FUZ: variants seen among roughly 807,000 people sequenced by gnomAD.
FUZ encodes protein fuzzy homolog.
FUZ carries 31 observed loss-of-function variants against 43.1 expected under a neutral mutation model. The observed-to-expected ratio is 0.72, with a 90% confidence interval of 0.54 to 0.97. FUZ has a LOEUF of 0.97. Ranked by LOEUF, FUZ falls within the 50% of genes least tolerant of loss-of-function variation. FUZ has a pLI of 0.00. For missense variants in FUZ, 539 were observed against 543.8 expected (o/e 0.99, Z 0.09); for synonymous variants, 274 against 250.0 (o/e 1.10, Z -0.91).
upstream of FUZ, chr19:49,813,301 C>T (rs1221705034): frequency 2.9e-6 from 2 of 686,754 alleles, no homozygotes; most frequent in Non-Finnish European, 2.7e-6. Flanking sequence ...GCACCTCCCC[C>T]AAACCCATTA....
chr19:49,811,068 T>C, intron 5 of FUZ: 1 of 445,274 alleles, frequency 2.2e-6, no homozygotes, highest in Non-Finnish European at 4.1e-6. Flanking sequence ...GGAGAATTAC[T>C]TGAACCCGGG....
rs757918578 is a variant in FUZ, at chr19:49,808,644, G to C, written c.894-6C>G. On this transcript the variant is annotated splice_region_variant and splice_polypyrimidine_tract_variant and intron_variant, in intron 8 of 10. Transcript: ENST00000313777. ...CCAGGTGGAGGAGCAGCAGCCTGTG[G>C]GAAAGGGAAGGGAATGTCATGGCTG... The C allele has an allele frequency of 6.2e-7, 1 of 1,613,140 alleles. No homozygotes were observed. Among genetic ancestry groups the C allele is most frequent in the South Asian group, 1.1e-5 (1 of 90,756 alleles).
In FUZ at chr19:49,809,084, G is replaced by A; in HGVS notation, c.786+79C>T. 7.5e-7 allele frequency: 1 copy of A among 1,336,530 alleles called. No homozygotes were observed. Among genetic ancestry groups the A allele is most frequent in the South Asian group, 1.3e-5 (1 of 79,760 alleles). 82.8% of individuals were successfully genotyped at this position (1,336,530 alleles called of 1,614,324 possible). A position where few individuals can be genotyped will look rare whatever the true frequency, so the allele number is the denominator to read the frequency against. ...GGCGGGGCTGGGGAAAGATGCCGCT[G>A]GCAGGGCAGGGTGGTGGGGAAGGGC... is the stretch of plus-strand genomic sequence containing the variant. On this transcript the variant is annotated intron_variant, in intron 7 of 10. Transcript: ENST00000313777. The surrounding 1 kb of genome is among the most constrained non-coding windows in gnomAD (Gnocchi z 5.1).
Position 49,807,151 on chromosome 19 carries a change from T to C in FUZ, c.1257A>G (p.Ter419TrpextTer6). 6.2e-7 allele frequency: 1 copy of C among 1,612,592 alleles called. No homozygotes were observed. The highest frequency in any genetic ancestry group is 8.5e-7 in the Non-Finnish European group (1 of 1,179,680). ...HTLHALTPLL[*>W] ...GTGTCCATCACCCACTGCTAGGTAG[T>C]CAAAGAAGTGGGGTGAGGGCATGCA... The change falls in exon 11 of 11, where the codon TGA becomes TGG. Residue 419 changes from the stop codon to tryptophan, a stop_lost. Coordinates refer to ENST00000313777, the MANE Select transcript of FUZ (RefSeq NM_025129.5).
At chr19:49,810,841 C>T (rs1316550291) in intron 5 of FUZ, among the ~76,000 whole-genome samples, 1 of 151,220 alleles carries the variant, frequency 6.6e-6, no homozygotes, top group Non-Finnish European at 1.5e-5. Context: ...CAGAGCAAGA[C>T]CCTGTCTCAG....
intron 10 of FUZ, among the ~76,000 whole-genome samples, chr19:49,807,900 A>AT (rs906859976): frequency 6.6e-6 from 1 of 151,976 alleles, no homozygotes; most frequent in African/African-American, 2.4e-5. Flanking sequence ...TTCTACGACA[A>AT]TTTTTCCGTT....
At position 49,806,904 on chromosome 19, in the gene FUZ, T is replaced by C. The variant is rs182017696; in HGVS notation, c.*247A>G. 11 of 1,538,526 alleles carry C rather than the reference T, an allele frequency of 7.1e-6. No individual in the cohort carries two copies. In the Admixed American group the frequency reaches 1.6e-4, roughly 22 times the overall value. ...TGGGACTTTCCTCCGGCCTTTTGTA[T>C]TTTTATTTTTGTTCATCTGCTGCTG... On this transcript the variant is annotated 3_prime_UTR_variant, in exon 11 of 11. Coordinates refer to ENST00000313777, the MANE Select transcript of FUZ (RefSeq NM_025129.5).
rs750792545 is a variant in FUZ, at chr19:49,808,873, C to T, written c.787-50G>A. ...GGTCGTCATGGGAAGGCGGGGCCGG[C>T]GGGGGAGGTCGGGGGGTGTACAAGG... is the stretch of plus-strand genomic sequence containing the variant. On this transcript the variant is annotated intron_variant, in intron 7 of 10. Transcript: ENST00000313777. The T allele has an allele frequency of 6.2e-5, 39 of 631,380 alleles. No homozygotes were observed. The Middle Eastern group carries it at 1.7e-3, about 27-fold the overall frequency. 39.1% of individuals were successfully genotyped at this position (631,380 alleles called of 1,614,324 possible). A position where few individuals can be genotyped will look rare whatever the true frequency, so the allele number is the denominator to read the frequency against.
intron 10 of FUZ, 103 bp downstream of exon 10, chr19:49,808,311 G>T: frequency 8.4e-7 from 1 of 1,184,748 alleles, no homozygotes; most frequent in Non-Finnish European, 1.2e-6. Context: ...AGTGCATACT[G>T]GGTTCCTCCG....
In FUZ at chr19:49,811,684, G is replaced by C; in HGVS notation, c.334C>G (p.Leu112Val). ...VFGAMVLLVG[L>V]EELTNIRNVE... Reference sequence around the variant, plus strand: ...TTGCGGATATTGGTCAGTTCTTCAAGTCCCACAAGAAGGACCTAGAAGAAT... The same window carrying C: ...TTGCGGATATTGGTCAGTTCTTCAACTCCCACAAGAAGGACCTAGAAGAAT... Residue 112 changes from leucine (L) to valine (V), a missense_variant, in exon 4 of 11, where the codon CTT becomes GTT. By Grantham distance (32) the Leu-to-Val change is conservative. Transcript: ENST00000313777. The C allele has an allele frequency of 6.2e-7, 1 of 1,613,988 alleles. No homozygotes were observed. The highest frequency in any genetic ancestry group is 2.2e-5 in the East Asian group (1 of 44,880).
chr19:49,811,587 G>A, intron 4 of FUZ, 44 bp downstream of exon 4: 1 of 1,596,242 alleles, frequency 6.3e-7, no homozygotes, highest in Non-Finnish European at 8.6e-7. Flanking sequence ...AAATGGCAGT[G>A]CCCAGGTATC....
At position 49,812,245 on chromosome 19, in the gene FUZ, T is replaced by A; in HGVS notation, c.318+6A>T. On this transcript the variant is annotated splice_donor_region_variant and intron_variant, in intron 3 of 10. Transcript: ENST00000313777. ...CTGGGGAGAAAAGAGGACTGGTGAG[T>A]CTCACCATGGCTCCAAACACCATTT... 1 of 1,602,398 alleles carries A rather than the reference T, an allele frequency of 6.2e-7. No individual in the cohort carries two copies. Among genetic ancestry groups the A allele is most frequent in the South Asian group, 1.1e-5 (1 of 90,592 alleles).
At position 49,809,511 on chromosome 19, in the gene FUZ, C is replaced by A; in HGVS notation, c.557G>T (p.Arg186Leu). Reference protein sequence around the residue: ...TTFVSLVVSGRVVAATEGWWR... With the variant: ...TTFVSLVVSGLVVAATEGWWR... ...CCAACCCTCTGTTGCTGCCACCACC[C>A]GGCCGGACACCACCAGACTGACGAA... Residue 186 changes from arginine (R) to leucine (L), a missense_variant, in exon 6 of 11, where the codon CGG becomes CTG. Transcript: ENST00000313777. This position sits in a 1 kb window ranked among gnomAD's most constrained non-coding sequence, Gnocchi z 5.1. 1 of 1,597,406 alleles carries A rather than the reference C, an allele frequency of 6.3e-7. No homozygotes were observed. The highest frequency in any genetic ancestry group is 2.3e-5 in the East Asian group (1 of 44,424).
Position 49,807,220 on chromosome 19 carries a change from G to C in FUZ, c.1188C>G (p.Pro396=). Reference sequence around the variant, plus strand: ...TTCGCAGCCCATGGGTGGGACTCTGGGGAGACAGCAGCAGCAGCAGCCGCC... The same window carrying C: ...TTCGCAGCCCATGGGTGGGACTCTGCGGAGACAGCAGCAGCAGCAGCCGCC... The part of the protein sequence containing the change: ...GLRRLLLLLS[P]QSPTHGLRSL... Residue 396 remains proline, a synonymous_variant, in exon 11 of 11, where the codon CCC becomes CCG. Transcript: ENST00000313777. 2 of 1,613,272 alleles carry C rather than the reference G, an allele frequency of 1.2e-6. No individual in the cohort carries two copies. Among genetic ancestry groups the C allele is most frequent in the Non-Finnish European group, 1.7e-6 (2 of 1,179,820 alleles).
Position 49,809,232 on chromosome 19 carries a change from A to G in FUZ, c.717T>C (p.Thr239=). The G allele has an allele frequency of 6.4e-7, 1 of 1,550,992 alleles. No homozygotes were observed. Among genetic ancestry groups the G allele is most frequent in the Non-Finnish European group, 8.7e-7 (1 of 1,146,934 alleles). Reference sequence around the variant, plus strand: ...GACACAGCTCCAGGCTCGGCAGCAGAGTCAGGGTCAGGAGCCGGTGTGGGA... The same window carrying G: ...GACACAGCTCCAGGCTCGGCAGCAGGGTCAGGGTCAGGAGCCGGTGTGGGA... The part of the protein sequence containing the change: ...PTVPHRLLTL[T]LLPSLELCLL... Residue 239 remains threonine, a synonymous_variant, in exon 7 of 11, where the codon ACT becomes ACC. Transcript: ENST00000313777. The surrounding 1 kb of genome is among the most constrained non-coding windows in gnomAD (Gnocchi z 5.1).
intron 7 of FUZ, 108 bp from the exon 8 acceptor site, chr19:49,808,931 C>T (rs1331371171): frequency 4.1e-6 from 4 of 964,446 alleles, no homozygotes; most frequent in African/African-American, 1.6e-5. Flanking sequence ...GGGGCGGGGC[C>T]TGCAAGAAGA....
chr19:49,807,380 G>C lies in FUZ; in HGVS notation c.1034-6C>G, dbSNP rs748902109. On this transcript the variant is annotated splice_polypyrimidine_tract_variant and splice_region_variant and intron_variant, in intron 10 of 10. Transcript: ENST00000313777. The stretch of plus-strand genomic sequence containing the variant: ...CTTCTCTGGTGGCCCTGGCTCTGGA[G>C]AAAGAACAGGGGGCACTGACATGAC... 1 of 1,608,800 alleles carries C rather than the reference G, an allele frequency of 6.2e-7. No individual in the cohort carries two copies. The highest frequency in any genetic ancestry group is 8.5e-7 in the Non-Finnish European group (1 of 1,177,750).
intron 5 of FUZ, 155 bp downstream of exon 5, chr19:49,811,208 A>G (rs1021232748): frequency 7.2e-6 from 5 of 691,532 alleles, no homozygotes; most frequent in Middle Eastern, 2.4e-4. Context: ...AAAGAAAAAA[A>G]AAAAAGAAAA....
chr19:49,813,048 C>G lies in FUZ; in HGVS notation c.59G>C (p.Gly20Ala). The G allele has an allele frequency of 1.3e-6, 2 of 1,551,284 alleles. No homozygotes were observed. The highest frequency in any genetic ancestry group is 2.4e-5 in the South Asian group (2 of 84,062). Reference sequence around the variant, plus strand: ...ACTGCTCCTGCAGAATAGGGGGACCCCGCTGGAGGCCGCGAGGCACAGCAG... The same window carrying G: ...ACTGCTCCTGCAGAATAGGGGGACCGCGCTGGAGGCCGCGAGGCACAGCAG... ...VHLLCLAASS[G>A]VPLFCRSSRG... Residue 20 changes from glycine (G) to alanine (A), a missense_variant, in exon 1 of 11, where the codon GGG (glycine) becomes GCG (alanine). Coordinates refer to ENST00000313777, the MANE Select transcript of FUZ (RefSeq NM_025129.5).
Sources: allele counts gnomAD v4.1 joint callset (sites outside exome capture counted in the v4.1 genomes callset), GRCh38; gene constraint gnomAD v4.1.1; non-coding constraint Gnocchi (gnomAD v3.1); transcripts MANE v1.5; gene names NCBI Gene and HGNC (gene_info 2026-07-23, HGNC 2026-07-21).